Variants in FOXR1 observed in about 807,000 individuals in gnomAD.
FOXR1 encodes the protein forkhead box R1, also known as forkhead box protein R1.
A neutral mutation model predicts 34.5 loss-of-function variants in FOXR1; 25 were observed. That is an observed-to-expected ratio of 0.72 (90% CI 0.53 to 1.01). FOXR1 has a LOEUF of 1.01. Ranked by LOEUF, FOXR1 falls within the 50% of genes least tolerant of loss-of-function variation. The pLI, the probability that FOXR1 is intolerant of heterozygous loss-of-function variation, is 0.00. For missense variants in FOXR1, 373 were observed against 376.2 expected (o/e 0.99, Z 0.07); for synonymous variants, 153 against 141.6 (o/e 1.08, Z -0.57).
At chr11:118,980,389 G>A in intron 4 of FOXR1, 101 bp from the exon 5 acceptor site, 1 of 1,347,478 alleles carries the variant, frequency 7.4e-7, no homozygotes, top group Non-Finnish European at 1.1e-6. Flanking sequence ...TCCCCCTGGA[G>A]AGAAGGGCTA....
At position 118,979,624 on chromosome 11, in the gene FOXR1, T is replaced by A. The variant is rs1291284284; in HGVS notation, c.567T>A (p.Ser189Arg). 11 of 1,611,784 alleles carry A rather than the reference T, an allele frequency of 6.8e-6. No individual in the cohort carries two copies. The highest frequency in any genetic ancestry group is 9.3e-6 in the Non-Finnish European group (11 of 1,178,922). The change falls in exon 4 of 6, where the codon AGT (serine) becomes AGA (arginine). Residue 189 changes from serine to arginine, a missense_variant. Physicochemically the swap from Ser to Arg is moderately radical, Grantham distance 110. Transcript: ENST00000317011. Reference sequence around the variant, plus strand: ...TAATTGCCCTGGCATTAAGAAACAGTTCCCCCTGTGGCCTCAACGTGCAAC... The same window carrying A: ...TAATTGCCCTGGCATTAAGAAACAGATCCCCCTGTGGCCTCAACGTGCAAC... ...FHLIALALRN[S>R]SPCGLNVQQI...
Position 118,980,471 on chromosome 11 carries a change from C to G in FOXR1, c.612-19C>G, listed in dbSNP as rs199679176. ...CCAGACATAACATGCCTTTCCTTACCTCTCCTCCCTGTCCATAGAAAGCAC... is the reference window on the plus strand; with the variant it reads ...CCAGACATAACATGCCTTTCCTTACGTCTCCTCCCTGTCCATAGAAAGCAC... On this transcript the variant is annotated intron_variant, in intron 4 of 5. Coordinates refer to ENST00000317011, the MANE Select transcript of FOXR1 (RefSeq NM_181721.3). 2 of 1,612,632 alleles carry G rather than the reference C, an allele frequency of 1.2e-6. No individual in the cohort carries two copies. The highest frequency in any genetic ancestry group is 3.3e-5 in the Admixed American group (2 of 60,004).
At chr11:118,973,885 G>T (rs1733636898) in intron 1 of FOXR1, among the ~76,000 whole-genome samples, 1 of 151,614 alleles carries the variant, frequency 6.6e-6, no homozygotes, top group Admixed American at 6.6e-5. Context: ...GTAGAGACAG[G>T]GTTTCACCAT....
At chr11:118,972,881 C>G (rs1040856211) in intron 1 of FOXR1, among the ~76,000 whole-genome samples, 2 of 151,508 alleles carry the variant, frequency 1.3e-5, no homozygotes, top group African/African-American at 4.9e-5. Context: ...GCCACCGCCC[C>G]CGGCCTTAAC....
At chr11:118,976,317 C>G (rs565714961) in intron 1 of FOXR1, among the ~76,000 whole-genome samples, 1 of 152,330 alleles carries the variant, frequency 6.6e-6, no homozygotes, top group East Asian at 1.9e-4. Context: ...ACTTCAGCCT[C>G]CTGAGTAGCT....
At chr11:118,975,807 T>C (rs556289866) in intron 1 of FOXR1, among the ~76,000 whole-genome samples, 1 of 152,308 alleles carries the variant, frequency 6.6e-6, no homozygotes, top group East Asian at 1.9e-4. Context: ...AGATCACCAG[T>C]CCATTGATCC....
chr11:118,973,911 T>A (rs897882582), intron 1 of FOXR1, among the ~76,000 whole-genome samples: 9 of 151,758 alleles, frequency 5.9e-5, no homozygotes, highest in Non-Finnish European at 1.2e-4. Context: ...CCAGCCAGGC[T>A]GGTCTCAAAC....
intron 1 of FOXR1, among the ~76,000 whole-genome samples, chr11:118,978,166 C>T (rs1275664736): frequency 1.3e-5 from 2 of 151,450 alleles, no homozygotes; most frequent in Non-Finnish European, 2.9e-5. Flanking sequence ...TGCAGTGAGC[C>T]AAGATCGCGC....
chr11:118,972,118 GAGC>G, intron 1 of FOXR1, 126 bp downstream of exon 1: 1 of 632,188 alleles, frequency 1.6e-6, no homozygotes, highest in African/African-American at 2.4e-5. Context: ...TTGGGGGGCC[GAGC>G]GCCCCGCGCC....
chr11:118,980,179 G>A (rs1405389074), intron 4 of FOXR1: 2 of 577,270 alleles, frequency 3.5e-6, no homozygotes, highest in Admixed American at 4.3e-5. Flanking sequence ...AATGTCTCAG[G>A]ACAGGAATTT....
At chr11:118,972,118 G>T in intron 1 of FOXR1, 126 bp downstream of exon 1, 1 of 632,188 alleles carries the variant, frequency 1.6e-6, no homozygotes, top group Non-Finnish European at 2.3e-6. Context: ...TTGGGGGGCC[G>T]AGCGCCCCGC....
chr11:118,974,049 A>C (rs1451710433), intron 1 of FOXR1, among the ~76,000 whole-genome samples: 1 of 152,108 alleles, frequency 6.6e-6, no homozygotes, highest in African/African-American at 2.4e-5. Flanking sequence ...TAGGAACATA[A>C]TATTTGAGCA....
intron 5 of FOXR1, among the ~76,000 whole-genome samples, 195 bp from the exon 6 acceptor site, chr11:118,981,013 A>T (rs1003171334): frequency 2.0e-5 from 3 of 152,180 alleles, no homozygotes; most frequent in African/African-American, 4.8e-5. Context: ...ACACAACATG[A>T]GAAGCACAGT....
rs1054560840 is a variant in FOXR1 at position 118,971,788 on chromosome 11, G to T, written c.-144G>T. 3.7e-5 allele frequency: 30 copies of T among 819,260 alleles called. No individual in the cohort carries two copies. The highest frequency in any genetic ancestry group is 4.4e-4 in the Middle Eastern group (2 of 4,514). 50.7% of individuals were successfully genotyped at this position (819,260 alleles called of 1,614,324 possible). Reference sequence around the variant, plus strand: ...ATTTGAGAAGGCGCCTGTGAGGGTCGCTCCTCAGCCGCCGCGCTCCCACTC... The same window carrying T: ...ATTTGAGAAGGCGCCTGTGAGGGTCTCTCCTCAGCCGCCGCGCTCCCACTC... On this transcript the variant is annotated 5_prime_UTR_variant, in exon 1 of 6. Transcript: ENST00000317011.
At position 118,979,772 on chromosome 11, in the gene FOXR1, A is replaced by C. The variant is rs186213100; in HGVS notation, c.611+104A>C. On this transcript the variant is annotated intron_variant, in intron 4 of 5. Transcript: ENST00000317011. The stretch of plus-strand genomic sequence containing the variant: ...CCTGGGTTGCTGACCTGGTTTCCCT[A>C]TCTGGGTCTGAGAGGACAAGTATGT... The C allele has an allele frequency of 5.6e-6, 6 of 1,064,668 alleles. No homozygotes were observed. In the East Asian group the frequency reaches 1.5e-4, roughly 27 times the overall value. The allele number at this position is 1,064,668 out of a possible 1,614,324, so 66.0% of individuals were successfully genotyped here. A position where few individuals can be genotyped will look rare whatever the true frequency, so the allele number is the denominator to read the frequency against.
intron 1 of FOXR1, among the ~76,000 whole-genome samples, chr11:118,976,636 G>C (rs1941783398): frequency 6.6e-6 from 1 of 152,218 alleles, no homozygotes; most frequent in Non-Finnish European, 1.5e-5. Flanking sequence ...TCCAGGAGCA[G>C]ACAGTAAGGT....
At chr11:118,973,277 C>A (rs1009455927) in intron 1 of FOXR1, among the ~76,000 whole-genome samples, 1 of 152,088 alleles carries the variant, frequency 6.6e-6, no homozygotes, top group African/African-American at 2.4e-5. Flanking sequence ...CTACTGGGGG[C>A]AGACAGATAA....
intron 1 of FOXR1, among the ~76,000 whole-genome samples, chr11:118,975,186 G>A (rs1043980100): frequency 3.9e-5 from 6 of 152,086 alleles, no homozygotes; most frequent in Admixed American, 6.6e-5. Context: ...GGGCGTCTGT[G>A]GTATCCTGGA....
Position 118,979,450 on chromosome 11 carries a change from A to AGAG in FOXR1, c.401_403dup (p.Glu134dup). Reference sequence around the variant, plus strand: ...ACTCTGTGCTCCTCTAGCTCACAGAAGAGGAGGAGGCTGAGGACCAGGAAG... The same window carrying AGAG: ...ACTCTGTGCTCCTCTAGCTCACAGAAGAGGAGGAGGAGGCTGAGGACCAGGAAG... On this transcript the variant is annotated inframe_insertion, in exon 4 of 6. Coordinates refer to ENST00000317011, the MANE Select transcript of FOXR1 (RefSeq NM_181721.3). The AGAG allele has an allele frequency of 2.5e-6, 4 of 1,607,490 alleles. No individual in the cohort carries two copies. Among genetic ancestry groups the AGAG allele is most frequent in the Non-Finnish European group, 3.4e-6 (4 of 1,176,768 alleles).
Sources: allele counts gnomAD v4.1 joint callset (sites outside exome capture counted in the v4.1 genomes callset), GRCh38; gene constraint gnomAD v4.1.1; transcripts MANE v1.5; gene names NCBI Gene and HGNC (gene_info 2026-07-23, HGNC 2026-07-21).